TPRG1: variants seen among roughly 807,000 people sequenced by gnomAD.
The protein encoded by TPRG1 is tumor protein p63-regulated gene 1 protein.
A neutral mutation model predicts 29.3 loss-of-function variants in TPRG1; 29 were observed. The ratio of observed to expected loss-of-function variants is 0.99; its 90% confidence interval spans 0.74 to 1.35. The LOEUF (loss-of-function observed/expected upper bound fraction) is 1.35, where lower values mean the gene tolerates loss of function less well. Among genes scored for constraint, TPRG1 ranks in the 40% most tolerant of loss-of-function variants. The pLI is 0.00. For synonymous variants in TPRG1, 130 were observed against 116.8 expected (o/e 1.11, Z -0.73); for missense variants, 327 against 335.0 (o/e 0.98, Z 0.19).
At position 189,070,415 on chromosome 3, in the gene TPRG1, T is replaced by C. The variant is rs570395055; in HGVS notation, c.-463+46469T>C. ...GAATAGAACTAAACACACACACTCATGAATGTGCATAAAAATAAGTATAAG... is the reference window on the plus strand; with the variant it reads ...GAATAGAACTAAACACACACACTCACGAATGTGCATAAAAATAAGTATAAG... On this transcript the variant is annotated intron_variant, in intron 4 of 10. Transcript: ENST00000433971. Among the ~76,000 whole-genome samples the C allele has an allele frequency of 3.4e-5, 5 of 148,926 alleles. No individual in the cohort carries two copies. In the Middle Eastern group the frequency reaches 0.01, roughly 306 times the overall value.
chr3:189,011,633 A>T (rs1006600610), intron 3 of TPRG1, among the ~76,000 whole-genome samples: 1 of 152,184 alleles, frequency 6.6e-6, no homozygotes, highest in African/African-American at 2.4e-5. Context: ...TCATGAGAAG[A>T]GCATGGGAAA....
In TPRG1 at chr3:189,076,923, C is replaced by CATATAT. The variant is rs150949911; in HGVS notation, c.-462-50120_-462-50115dup. Among the ~76,000 whole-genome samples, 841 of 140,650 alleles carry CATATAT rather than the reference C, an allele frequency of 6.0e-3. 3 individuals are homozygous for CATATAT. The highest frequency in any genetic ancestry group is 0.018 in the Middle Eastern group (5 of 276). 92.3% of individuals were successfully genotyped at this position (140,650 alleles called of 152,430 possible). A position where few individuals can be genotyped will look rare whatever the true frequency, so the allele number is the denominator to read the frequency against. ...CACTTCACAAAAGAATATATGTGTA[C>CATATAT]ATATATATATATATATATAGCCAAT... On this transcript the variant is annotated intron_variant, in intron 4 of 10. Coordinates refer to the TPRG1 transcript ENST00000433971.
intron 5 of TPRG1, among the ~76,000 whole-genome samples, chr3:189,156,533 G>A (rs1726706008): frequency 6.6e-6 from 1 of 152,184 alleles, no homozygotes; most frequent in Non-Finnish European, 1.5e-5. Context: ...CTGGAAGGAT[G>A]GAGTGCCTTT....
chr3:189,192,247 A>G (rs1314283183), intron 1 of TPRG1, among the ~76,000 whole-genome samples: 1 of 152,256 alleles, frequency 6.6e-6, no homozygotes, highest in Non-Finnish European at 1.5e-5. Context: ...TTCTAGTTTC[A>G]TAATACCTGA....
chr3:189,081,341 A>G (rs1717580265), intron 4 of TPRG1, among the ~76,000 whole-genome samples: 1 of 152,130 alleles, frequency 6.6e-6, no homozygotes, highest in South Asian at 2.1e-4. Context: ...GCAGAAGGAG[A>G]AAGAGGCACA....
Position 189,194,040 on chromosome 3 carries a change from C to G in TPRG1, c.-9-13336C>G, listed in dbSNP as rs1732142670. Among the ~76,000 whole-genome samples, 2 of 151,468 alleles carry G rather than the reference C, an allele frequency of 1.3e-5. 1 individual carries two copies. The highest frequency in any genetic ancestry group is 4.2e-4 in the South Asian group (2 of 4,758). On this transcript the variant is annotated intron_variant, in intron 1 of 5. Coordinates refer to ENST00000345063, the MANE Select transcript of TPRG1 (RefSeq NM_198485.4). ...CATATGGTCAATCATCTCTTGCAAA[C>G]TTTCTACAATAGCTTTCATAAAGAA...
At chr3:189,279,754 G>A (rs1716780086) in intron 4 of TPRG1, among the ~76,000 whole-genome samples, 1 of 152,148 alleles carries the variant, frequency 6.6e-6, no homozygotes, top group South Asian at 2.1e-4. Context: ...AATTTATCAG[G>A]AAGAGGCAGA....
At chr3:189,192,404 G>A (rs978039060) in intron 1 of TPRG1, among the ~76,000 whole-genome samples, 3 of 152,128 alleles carry the variant, frequency 2.0e-5, no homozygotes, top group Non-Finnish European at 4.4e-5. Context: ...GGATACCATA[G>A]TAAATAAAAC....
At chr3:189,181,334 A>G (rs145658345) in intron 1 of TPRG1, among the ~76,000 whole-genome samples, 109 of 152,226 alleles carry the variant, frequency 7.2e-4, no homozygotes, top group African/African-American at 2.5e-3. Flanking sequence ...TTTCTTTTCT[A>G]TCTCAGTCAG....
At chr3:189,237,295 A>ACG (rs1739655103) in intron 3 of TPRG1, among the ~76,000 whole-genome samples, 1 of 151,850 alleles carries the variant, frequency 6.6e-6, no homozygotes, top group South Asian at 2.1e-4. Context: ...ATGCACACAC[A>ACG]CGCACACACA....
At chr3:189,082,154 G>C (rs1481672906) in intron 4 of TPRG1, among the ~76,000 whole-genome samples, 1 of 152,202 alleles carries the variant, frequency 6.6e-6, no homozygotes, top group Non-Finnish European at 1.5e-5. Context: ...AAACATAAGA[G>C]GGTGTGTGTC....
At position 189,148,839 on chromosome 3, in the gene TPRG1, T is replaced by A. The variant is rs148399411; in HGVS notation, c.-227+1192T>A. ...CTATGTGAAATGGATAAAACCATAG[T>A]TCTTCTGGTCAAAGCAGAAGTGGGG... On this transcript the variant is annotated intron_variant, in intron 4 of 6. Coordinates refer to the TPRG1 transcript ENST00000412373. Among the ~76,000 whole-genome samples, 6 of 152,374 alleles carry A rather than the reference T, an allele frequency of 3.9e-5. No individual in the cohort carries two copies. In the East Asian group the frequency reaches 1.2e-3, roughly 29 times the overall value.
At chr3:189,124,586 G>A (rs1722231561) in intron 1 of TPRG1, among the ~76,000 whole-genome samples, 1 of 151,348 alleles carries the variant, frequency 6.6e-6, no homozygotes, top group Admixed American at 6.6e-5. Context: ...ACACATACGT[G>A]TACATATATT....
chr3:189,304,909 T>C (rs1181541681), intron 4 of TPRG1, among the ~76,000 whole-genome samples: 3 of 152,124 alleles, frequency 2.0e-5, no homozygotes, highest in Non-Finnish European at 4.4e-5. Context: ...CCTCCCTCTG[T>C]TTGCTCACCC....
intron 3 of TPRG1, among the ~76,000 whole-genome samples, chr3:189,141,232 A>ATGTG (rs1724509642): frequency 6.6e-6 from 1 of 152,218 alleles, no homozygotes; most frequent in African/African-American, 2.4e-5. Flanking sequence ...GTTGTATGGA[A>ATGTG]TGTGCTTTAA....
At chr3:189,056,540 A>G (rs1715710573) in intron 4 of TPRG1, among the ~76,000 whole-genome samples, 1 of 152,244 alleles carries the variant, frequency 6.6e-6, no homozygotes, top group Non-Finnish European at 1.5e-5. Flanking sequence ...TGCCAATCAA[A>G]GTAATCAATC....
chr3:189,091,263 C>T (rs1718319881), intron 4 of TPRG1, among the ~76,000 whole-genome samples: 1 of 152,006 alleles, frequency 6.6e-6, no homozygotes, highest in Non-Finnish European at 1.5e-5. Context: ...TTTTATTGTT[C>T]TAGCAGTTAC....
At chr3:189,103,211 G>T (rs1239462261) in intron 1 of TPRG1, among the ~76,000 whole-genome samples, 1 of 152,156 alleles carries the variant, frequency 6.6e-6, no homozygotes, top group African/African-American at 2.4e-5. Flanking sequence ...ACAGAAGCAT[G>T]CCCATTCAGT....
rs75291083 is a variant in TPRG1 at position 189,235,746 on chromosome 3, C to T, written c.303-2987C>T. On this transcript the variant is annotated intron_variant, in intron 3 of 5. Transcript: ENST00000345063. ...TTGGTAGTACTGAGGAGAAAGCAAACACTATGCCTGGATATGGTGTCTCAG... is the reference window on the plus strand; with the variant it reads ...TTGGTAGTACTGAGGAGAAAGCAAATACTATGCCTGGATATGGTGTCTCAG... Among the ~76,000 whole-genome samples, 47 of 152,242 alleles carry T rather than the reference C, an allele frequency of 3.1e-4. 1 individual carries two copies. The East Asian group carries it at 8.9e-3, about 29-fold the overall frequency.
Sources: allele counts gnomAD v4.1 joint callset (sites outside exome capture counted in the v4.1 genomes callset), GRCh38; gene constraint gnomAD v4.1.1; transcripts MANE v1.5; gene names NCBI Gene and HGNC (gene_info 2026-07-23, HGNC 2026-07-21).